The following RBFOX1 variants were observed in gnomAD, a reference collection of about 807,000 sequenced individuals.
RBFOX1 encodes the protein RNA binding protein fox-1 homolog 1.
RBFOX1 carries 8 observed loss-of-function variants against 57.7 expected under a neutral mutation model. That is an observed-to-expected ratio of 0.14 (90% CI 0.08 to 0.25). RBFOX1 has a LOEUF of 0.25. RBFOX1 is among the 10% of genes least tolerant of loss of function. The pLI is 1.00. For missense variants in RBFOX1, 611 were observed against 548.5 expected (o/e 1.11, Z -1.14); for synonymous variants, 326 against 222.4 (o/e 1.47, Z -4.15).
At chr16:6,495,108 TTTTG>T (rs941675030) in intron 2 of RBFOX1, among the ~76,000 whole-genome samples, 72 of 152,284 alleles carry the variant, frequency 4.7e-4, no homozygotes, top group African/African-American at 1.5e-3. Context: ...CCCCGCTTTC[TTTTG>T]TTTGTTTATT....
chr16:6,625,189 A>G (rs961781125), intron 2 of RBFOX1, among the ~76,000 whole-genome samples: 6 of 132,604 alleles, frequency 4.5e-5, no homozygotes, highest in Non-Finnish European at 9.7e-5. Context: ...AAAAAAAGGT[A>G]TTCTGGTGGA....
chr16:6,456,597 A>G (rs1039627484), intron 2 of RBFOX1, among the ~76,000 whole-genome samples: 1 of 152,218 alleles, frequency 6.6e-6, no homozygotes, highest in Non-Finnish European at 1.5e-5. Flanking sequence ...TTTTCTATTT[A>G]GAAAGATAAC....
intron 4 of RBFOX1, among the ~76,000 whole-genome samples, chr16:7,280,610 G>T (rs1368801882): frequency 6.6e-6 from 1 of 152,166 alleles, no homozygotes; most frequent in Admixed American, 6.5e-5. Context: ...GCTACCTTCG[G>T]AGAGCTCCGC....
chr16:5,671,525 A>G (rs758532239), intron 3 of RBFOX1, among the ~76,000 whole-genome samples: 18 of 152,262 alleles, frequency 1.2e-4, no homozygotes, highest in Non-Finnish European at 2.2e-4. Context: ...AAACAATAGT[A>G]TTAATTAGGA....
chr16:6,714,255 C>G (rs958046796), intron 3 of RBFOX1, among the ~76,000 whole-genome samples: 2 of 152,128 alleles, frequency 1.3e-5, no homozygotes, highest in African/African-American at 4.8e-5. Flanking sequence ...GTCAATTAAA[C>G]CTCTTTCCCA....
chr16:6,085,530 C>T (rs928194734), intron 1 of RBFOX1, among the ~76,000 whole-genome samples: 4 of 152,196 alleles, frequency 2.6e-5, no homozygotes, highest in Non-Finnish European at 4.4e-5. Flanking sequence ...CTCGGCCTCC[C>T]GGTGTTGGGA....
intron 3 of RBFOX1, among the ~76,000 whole-genome samples, chr16:5,800,427 G>A (rs1037616412): frequency 6.6e-6 from 1 of 152,180 alleles, no homozygotes; most frequent in Admixed American, 6.5e-5. Flanking sequence ...GGGAGGGGCA[G>A]GTTGTGAACA....
intron 2 of RBFOX1, among the ~76,000 whole-genome samples, chr16:6,518,003 G>A (rs1179988315): frequency 1.3e-5 from 2 of 152,160 alleles, no homozygotes; most frequent in African/African-American, 2.4e-5. Context: ...GTTAAATGAT[G>A]TTCTTGATGC....
At chr16:6,585,920 A>T (rs2097606438) in intron 2 of RBFOX1, among the ~76,000 whole-genome samples, 1 of 152,194 alleles carries the variant, frequency 6.6e-6, no homozygotes, top group South Asian at 2.1e-4. Context: ...ATACGCAATT[A>T]TTTCTGTATT....
chr16:6,578,829 A>G (rs2097488392), intron 2 of RBFOX1, among the ~76,000 whole-genome samples: 1 of 152,038 alleles, frequency 6.6e-6, no homozygotes, highest in Non-Finnish European at 1.5e-5. Context: ...CCTGGTTGCT[A>G]AAAAATAATC....
At chr16:5,711,290 T>A (rs56820134) in intron 3 of RBFOX1, among the ~76,000 whole-genome samples, 12,676 of 152,244 alleles carry the variant, frequency 0.083, 1,777 homozygotes, top group African/African-American at 0.29. Context: ...TCTACATTGC[T>A]CAGATAAGAA....
chr16:6,461,567 G>C (rs1453195875), intron 2 of RBFOX1, among the ~76,000 whole-genome samples: 1 of 152,144 alleles, frequency 6.6e-6, no homozygotes, highest in Non-Finnish European at 1.5e-5. Flanking sequence ...TTGTGTGGCT[G>C]GATAAAACAG....
intron 1 of RBFOX1, among the ~76,000 whole-genome samples, chr16:6,145,687 T>G (rs185227408): frequency 6.6e-6 from 1 of 152,130 alleles, no homozygotes; most frequent in Non-Finnish European, 1.5e-5. Context: ...GTACCTTACC[T>G]GTAGTATTTT....
chr16:6,548,099 C>A (rs753435592), intron 2 of RBFOX1, among the ~76,000 whole-genome samples: 5 of 152,174 alleles, frequency 3.3e-5, no homozygotes, highest in Non-Finnish European at 5.9e-5. Context: ...GAAGGATACA[C>A]ATATTTCACA....
At chr16:5,263,248 G>A (rs1469208325) in intron 1 of RBFOX1, among the ~76,000 whole-genome samples, 1 of 152,126 alleles carries the variant, frequency 6.6e-6, no homozygotes, top group Non-Finnish European at 1.5e-5. Context: ...ACAAAGTTTG[G>A]TAGAAGGAGA....
rs3743834 is a variant in RBFOX1, at chr16:7,711,958, C to G, written c.*1213C>G. On this transcript the variant is annotated 3_prime_UTR_variant, in exon 16 of 16. Transcript: ENST00000550418. ...GCCCTTCCACCTCTTTCCCATACCC[C>G]CAAGGATTATCTCAAAATGATCTCT... The G allele has an allele frequency of 2.6e-5, 4 of 152,510 alleles. No individual in the cohort carries two copies. The highest frequency in any genetic ancestry group is 1.3e-4 in the Admixed American group (2 of 15,272). 9.4% of individuals were successfully genotyped at this position (152,510 alleles called of 1,614,324 possible).
At chr16:5,275,155 T>G (rs2151133255) in intron 1 of RBFOX1, among the ~76,000 whole-genome samples, 1 of 152,330 alleles carries the variant, frequency 6.6e-6, no homozygotes, top group East Asian at 1.9e-4. Flanking sequence ...TCCTGCATGT[T>G]TCTTAAAAAT....
chr16:6,736,598 T>A (rs943216334), intron 3 of RBFOX1, among the ~76,000 whole-genome samples: 7 of 152,246 alleles, frequency 4.6e-5, no homozygotes, highest in African/African-American at 1.2e-4. Context: ...TTTGCAGTTG[T>A]GAATTGTGCC....
At chr16:6,501,300 C>G (rs1306337464) in intron 2 of RBFOX1, among the ~76,000 whole-genome samples, 2 of 121,614 alleles carry the variant, frequency 1.6e-5, no homozygotes, top group Non-Finnish European at 3.4e-5. Context: ...CTCCCCCCAC[C>G]CCACAACAGT....
Sources: gnomAD v4.1 joint callset for allele counts (sites outside exome capture counted in the v4.1 genomes callset) on GRCh38, gnomAD v4.1.1 for gene constraint, MANE v1.5 for transcripts, NCBI Gene and HGNC (gene_info 2026-07-23, HGNC 2026-07-21) for gene names.